The following NOL10 variants were observed in gnomAD, a reference collection of about 807,000 sequenced individuals.
The protein encoded by NOL10 is H_NH0074G24.1.
Under a neutral mutation model 103.5 loss-of-function variants are expected in NOL10, and 58 were observed. That is an observed-to-expected ratio of 0.56 (90% CI 0.45 to 0.70). The LOEUF (loss-of-function observed/expected upper bound fraction) is 0.70, where lower values mean the gene tolerates loss of function less well. Among genes scored for constraint, NOL10 ranks in the 30% least tolerant of loss-of-function variants. The pLI is 0.00. For synonymous variants in NOL10, 287 were observed against 282.5 expected (o/e 1.02, Z -0.16); for missense variants, 763 against 807.3 (o/e 0.95, Z 0.67).
intron 13 of NOL10, among the ~76,000 whole-genome samples, chr2:10,609,431 C>CAAAAAAAAAAAA (rs60104799): frequency 5.4e-5 from 6 of 111,588 alleles, no homozygotes; most frequent in South Asian, 3.2e-4. Context: ...ACTAAAAATA[C>CAAAAAAAAAAAA]AAAAAAAAAA....
intron 12 of NOL10, among the ~76,000 whole-genome samples, chr2:10,653,111 G>T (rs1387380095): frequency 2.6e-5 from 4 of 151,262 alleles, no homozygotes; most frequent in Non-Finnish European, 4.4e-5. Context: ...CATGAGAATC[G>T]CTTGAACCCA....
chr2:10,659,494 C>T (rs1244300022), intron 9 of NOL10, among the ~76,000 whole-genome samples: 1 of 150,462 alleles, frequency 6.6e-6, no homozygotes, highest in Non-Finnish European at 1.5e-5. Flanking sequence ...TTGGGTAACA[C>T]AGTGAGACAC....
chr2:10,588,547 G>A (rs1319691866), intron 19 of NOL10, among the ~76,000 whole-genome samples: 1 of 152,146 alleles, frequency 6.6e-6, no homozygotes, highest in Non-Finnish European at 1.5e-5. Context: ...ACATAACCGA[G>A]GTTCTAATTT....
At chr2:10,681,132 T>C (rs1446185696) in intron 3 of NOL10, among the ~76,000 whole-genome samples, 2 of 152,140 alleles carry the variant, frequency 1.3e-5, no homozygotes, top group Non-Finnish European at 2.9e-5. Context: ...CATGAAAGCT[T>C]ATACCCACAA....
In NOL10 at chr2:10,682,028, G is replaced by A. The variant is rs1553316529; in HGVS notation, c.154C>T (p.Pro52Ser). The A allele has an allele frequency of 6.5e-7, 1 of 1,531,848 alleles. No homozygotes were observed. Among genetic ancestry groups the A allele is most frequent in the Non-Finnish European group, 8.8e-7 (1 of 1,137,454 alleles). 94.9% of individuals were successfully genotyped at this position (1,531,848 alleles called of 1,614,324 possible). ...ACCTTAATAGTGGTACACACAGTAG[G>A]CATTTCAAAGTCCTGAATAAGTTCA... Reference protein sequence around the residue: ...RIELIQDFEMPTVCTTIKVSK... With the variant: ...RIELIQDFEMSTVCTTIKVSK... The change falls in exon 3 of 21, where the codon CCT becomes TCT. Residue 52 changes from proline to serine, a missense_variant. Physicochemically the swap from Pro to Ser is moderately conservative, Grantham distance 74 (BLOSUM62 -1). Transcript: ENST00000381685.
chr2:10,652,922 G>A (rs1679574464), intron 12 of NOL10, among the ~76,000 whole-genome samples: 2 of 152,136 alleles, frequency 1.3e-5, no homozygotes, highest in Admixed American at 6.5e-5. Flanking sequence ...CTGGCCAGGC[G>A]CGGCGGCTCA....
At chr2:10,612,961 G>A (rs1022355281) in intron 13 of NOL10, among the ~76,000 whole-genome samples, 2 of 149,274 alleles carry the variant, frequency 1.3e-5, no homozygotes, top group African/African-American at 2.5e-5. Context: ...CCATGATCAC[G>A]CCACTGCATT....
At chr2:10,644,060 G>A (rs529045192) in intron 13 of NOL10, among the ~76,000 whole-genome samples, 10 of 152,208 alleles carry the variant, frequency 6.6e-5, no homozygotes, top group Admixed American at 4.6e-4. Flanking sequence ...GACCACCCCA[G>A]CCAACATGGC....
chr2:10,652,239 CA>C (rs58611799), intron 12 of NOL10, among the ~76,000 whole-genome samples: 39,109 of 144,166 alleles, frequency 0.27, 5,658 homozygotes, highest in Non-Finnish European at 0.33. Flanking sequence ...GACTCTGTCT[CA>C]AAAAAAAAAA....
chr2:10,644,494 T>C (rs1678925570), intron 12 of NOL10, 122 bp from the exon 13 acceptor site: 2 of 569,536 alleles, frequency 3.5e-6, no homozygotes, highest in African/African-American at 4.0e-5. Context: ...AGTATAGTAT[T>C]TCCCACAAAA....
chr2:10,637,212 A>AAC lies in NOL10; in HGVS notation c.1026+7106_1026+7107dup, dbSNP rs1486733969. Reference sequence around the variant, plus strand: ...TCAAAAAAAAAAAAAAAAAAAAAAAAACACACACACACACTAAAACCAAAA... The same window carrying AAC: ...TCAAAAAAAAAAAAAAAAAAAAAAAAACACACACACACACACTAAAACCAAAA... On this transcript the variant is annotated intron_variant, in intron 13 of 20. Transcript: ENST00000381685. Among the ~76,000 whole-genome samples the AAC allele has an allele frequency of 6.2e-3, 852 of 137,076 alleles. 20 individuals are homozygous for AAC. Among genetic ancestry groups the AAC allele is most frequent in the East Asian group, 0.037 (132 of 3,562 alleles). The allele number at this position is 137,076 out of a possible 152,430, so 89.9% of individuals were successfully genotyped here.
intron 10 of NOL10, among the ~76,000 whole-genome samples, chr2:10,658,748 T>C (rs193231534): frequency 2.0e-5 from 3 of 152,292 alleles, no homozygotes; most frequent in African/African-American, 7.2e-5. Flanking sequence ...TTCTGTTGCA[T>C]AGACTCTGAA....
Position 10,587,215 on chromosome 2 carries a change from A to T in NOL10, c.1844+1828T>A. Among the ~76,000 whole-genome samples, 2 of 62,710 alleles carry T rather than the reference A, an allele frequency of 3.2e-5. 1 individual carries two copies. The highest frequency in any genetic ancestry group is 2.0e-4 in the African/African-American group (2 of 9,834). The allele number at this position is 62,710 out of a possible 152,430, so 41.1% of individuals were successfully genotyped here. Reference sequence around the variant, plus strand: ...TACACATATATATACACATATATATATACATATATATACATATATATATAC... The same window carrying T: ...TACACATATATATACACATATATATTTACATATATATACATATATATATAC... On this transcript the variant is annotated intron_variant, in intron 19 of 20. Coordinates refer to ENST00000381685, the MANE Select transcript of NOL10 (RefSeq NM_024894.4).
chr2:10,586,476 A>G (rs186950812), intron 19 of NOL10, among the ~76,000 whole-genome samples: 333 of 152,382 alleles, frequency 2.2e-3, no homozygotes, highest in African/African-American at 7.6e-3. Context: ...GAGGTTGGTC[A>G]GTAAAGAAAA....
chr2:10,683,247 T>A (rs924174565), intron 2 of NOL10, among the ~76,000 whole-genome samples: 7 of 152,188 alleles, frequency 4.6e-5, no homozygotes, highest in Non-Finnish European at 7.3e-5. Flanking sequence ...TGTGACAAGC[T>A]ATAATGAAGA....
At chr2:10,685,502 C>A (rs989993876) in intron 1 of NOL10, among the ~76,000 whole-genome samples, 702 of 14,194 alleles carry the variant, frequency 0.049, 117 homozygotes, top group African/African-American at 0.13. Context: ...CCCCCCCCCC[C>A]CCCCCGCCAA....
intron 3 of NOL10, among the ~76,000 whole-genome samples, chr2:10,678,022 G>A (rs945584418): frequency 2.4e-4 from 36 of 151,742 alleles, no homozygotes; most frequent in African/African-American, 8.2e-4. Flanking sequence ...ATATAGCCAG[G>A]ACCTTTATTC....
chr2:10,649,816 C>T lies in NOL10; in HGVS notation c.973+4665G>A, dbSNP rs188266108. On this transcript the variant is annotated intron_variant, in intron 12 of 20. Transcript: ENST00000381685. ...AAAAGCCACATGGACAATGTATAAACGAACAAGGGTGGCTGTGTTCACATA... is the reference window on the plus strand; with the variant it reads ...AAAAGCCACATGGACAATGTATAAATGAACAAGGGTGGCTGTGTTCACATA... Among the ~76,000 whole-genome samples, 5 of 152,214 alleles carry T rather than the reference C, an allele frequency of 3.3e-5. No individual in the cohort carries two copies. The East Asian group carries it at 7.7e-4, about 23-fold the overall frequency.
rs1409823267 is a variant in NOL10 at position 10,587,116 on chromosome 2, T to C, written c.1844+1927A>G. On this transcript the variant is annotated intron_variant, in intron 19 of 20. Coordinates refer to ENST00000381685, the MANE Select transcript of NOL10 (RefSeq NM_024894.4). ...ATATATACACATATATATACATATA[T>C]ATACATATATATACATATATACACA... 1.4e-3 allele frequency among the ~76,000 whole-genome samples: 70 copies of C among 50,762 alleles called. 22 individuals are homozygous for C. The highest frequency in any genetic ancestry group is 2.1e-3 in the Non-Finnish European group (59 of 27,670). 33.3% of individuals were successfully genotyped at this position (50,762 alleles called of 152,430 possible).
Sources: allele counts gnomAD v4.1 joint callset (sites outside exome capture counted in the v4.1 genomes callset), GRCh38; gene constraint gnomAD v4.1.1; transcripts MANE v1.5; gene names NCBI Gene and HGNC (gene_info 2026-07-23, HGNC 2026-07-21).